The following GARIN5B variants were observed in gnomAD, a reference collection of about 807,000 sequenced individuals.
The protein encoded by GARIN5B is golgi associated RAB2 interactor family member 5B, also known as Golgi-associated RAB2 interactor protein 5B.
At chr19:55,361,166 C>T in the GARIN5B span, 11 of 1,551,292 alleles carry the variant, frequency 7.1e-6, no homozygotes, top group Admixed American at 5.9e-5. Context: ...ACCACCCCGC[C>T]GGCTCACCTT....
the GARIN5B span, among the ~76,000 whole-genome samples, chr19:55,355,562 A>G: frequency 1.3e-5 from 2 of 152,270 alleles, no homozygotes; most frequent in South Asian, 2.1e-4. Flanking sequence ...TCTTGGCTCT[A>G]GGGGCAGACA....
the GARIN5B span, chr19:55,363,190 G>A: frequency 9.8e-7 from 1 of 1,016,596 alleles, no homozygotes; most frequent in South Asian, 2.5e-5. The surrounding 1 kb of genome is among the most constrained non-coding windows in gnomAD (Gnocchi z 4.0). Flanking sequence ...GCGTTACAGA[G>A]CGTGGAGATG....
the GARIN5B span, chr19:55,360,744 G>T: frequency 2.6e-6 from 4 of 1,551,648 alleles, no homozygotes; most frequent in Non-Finnish European, 3.5e-6. Flanking sequence ...TGCTGAAGAT[G>T]GTCCAGGTGG....
chr19:55,361,338 G>A, the GARIN5B span: 1 of 1,541,642 alleles, frequency 6.5e-7, no homozygotes, highest in Non-Finnish European at 8.8e-7. Context: ...AGGGGGAAGA[G>A]CCAAAGGGTG....
the GARIN5B span, chr19:55,360,954 C>T: frequency 6.5e-7 from 1 of 1,545,546 alleles, no homozygotes. Context: ...GCTGGGGTCT[C>T]CCACCTTCTC....
At chr19:55,362,857 C>T in the GARIN5B span, 3 of 1,469,450 alleles carry the variant, frequency 2.0e-6, no homozygotes, top group Non-Finnish European at 2.7e-6. Context: ...GATCCCCCAG[C>T]ACGGGGGGCC....
At chr19:55,363,198 A>T in the GARIN5B span, 9 of 979,906 alleles carry the variant, frequency 9.2e-6, no homozygotes, top group East Asian at 1.6e-4. The surrounding 1 kb of genome is among the most constrained non-coding windows in gnomAD (Gnocchi z 4.0). Flanking sequence ...GAGCGTGGAG[A>T]TGCCCCAGGC....
chr19:55,360,833 G>C, the GARIN5B span: 8 of 1,548,108 alleles, frequency 5.2e-6, no homozygotes, highest in Non-Finnish European at 7.0e-6. Context: ...GTGGCAAGGG[G>C]TGGGGTGGGT....
chr19:55,360,790 A>T, the GARIN5B span: 1 of 1,551,602 alleles, frequency 6.4e-7, no homozygotes, highest in African/African-American at 1.4e-5. Flanking sequence ...GAGCCGTCTG[A>T]GCCCTTTGGG....
chr19:55,359,271 G>A, the GARIN5B span: 1 of 1,551,432 alleles, frequency 6.4e-7, no homozygotes. Flanking sequence ...GATGGGGCAG[G>A]GAGGAGTAGA....
chr19:55,362,573 G>A, the GARIN5B span: 19 of 1,536,428 alleles, frequency 1.2e-5, no homozygotes, highest in East Asian at 2.0e-4. Context: ...TGGGGGATGC[G>A]GCACCTGGTC....
chr19:55,355,413 T>G, the GARIN5B span: 1 of 1,497,706 alleles, frequency 6.7e-7, no homozygotes, highest in South Asian at 1.2e-5. Context: ...TACCCAGGGC[T>G]TTAAGAGCTG....
chr19:55,362,637 G>T, the GARIN5B span: 3 of 1,547,732 alleles, frequency 1.9e-6, no homozygotes, highest in Non-Finnish European at 2.6e-6. Flanking sequence ...TCAGCAAGAT[G>T]TCAGGCAACA....
At chr19:55,361,444 T>C in the GARIN5B span, 6 of 1,486,194 alleles carry the variant, frequency 4.0e-6, no homozygotes, top group African/African-American at 5.7e-5. Flanking sequence ...CCTGCAGAGA[T>C]AGAGGGAGGC....
the GARIN5B span, chr19:55,362,136 G>A: frequency 1.4e-6 from 2 of 1,391,432 alleles, no homozygotes; most frequent in Non-Finnish European, 1.9e-6. Flanking sequence ...CTACTCAGGG[G>A]TCCAGGCCCC....
chr19:55,362,171 C>T, the GARIN5B span: 10,727 of 1,438,904 alleles, frequency 7.5e-3, 83 homozygotes, highest in East Asian at 0.029. Flanking sequence ...GGCTCTTGGT[C>T]GCAGTCCCCT....
chr19:55,358,990 G>C, the GARIN5B span: 7 of 1,551,074 alleles, frequency 4.5e-6, no homozygotes, highest in African/African-American at 6.8e-5. Flanking sequence ...CCTTGGTTTG[G>C]CTAATCAGGA....
chr19:55,356,269 G>A, the GARIN5B span, among the ~76,000 whole-genome samples: 2 of 152,202 alleles, frequency 1.3e-5, no homozygotes, highest in East Asian at 3.9e-4. Context: ...GCAGTGCAGT[G>A]GCACGATGGT....
chr19:55,361,304 G>C, the GARIN5B span: 1 of 1,541,312 alleles, frequency 6.5e-7, no homozygotes, highest in Non-Finnish European at 8.8e-7. Flanking sequence ...TACCCCAGGA[G>C]CTTGTGGAGG....
Sources: allele counts gnomAD v4.1 joint callset (sites outside exome capture counted in the v4.1 genomes callset), GRCh38; gene constraint gnomAD v4.1.1; non-coding constraint Gnocchi (gnomAD v3.1); transcripts MANE v1.5; gene names NCBI Gene and HGNC (gene_info 2026-07-23, HGNC 2026-07-21).